DSCAM: variants seen among roughly 807,000 people sequenced by gnomAD.
DSCAM encodes DS cell adhesion molecule, also known as cell adhesion molecule DSCAM.
DSCAM carries 47 observed loss-of-function variants against 217.7 expected under a neutral mutation model. The ratio of observed to expected loss-of-function variants is 0.22; its 90% CI spans 0.17 to 0.28. The LOEUF (loss-of-function observed/expected upper bound fraction) is 0.28, where lower values mean the gene tolerates loss of function less well. DSCAM is among the 10% of genes least tolerant of loss of function. The pLI is 1.00. For synonymous variants in DSCAM, 1,056 were observed against 1,015.3 expected (o/e 1.04, Z -0.76); for missense variants, 2,080 against 2,618.3 (o/e 0.79, Z 4.49).
intron 11 of DSCAM, among the ~76,000 whole-genome samples, chr21:40,228,884 G>A (rs970981453): frequency 6.6e-6 from 1 of 152,036 alleles, no homozygotes; most frequent in African/African-American, 2.4e-5. Flanking sequence ...AAAAAAAAAT[G>A]TGTGTATACT....
intron 3 of DSCAM, among the ~76,000 whole-genome samples, chr21:40,457,491 G>A (rs758398839): frequency 9.2e-5 from 14 of 151,808 alleles, no homozygotes; most frequent in Non-Finnish European, 2.9e-5. Context: ...CAGCCTGGGG[G>A]ACAGAGAAAG....
In DSCAM at chr21:40,113,038, AAG is replaced by A. The variant is rs1251237805; in HGVS notation, c.3696+11155_3696+11156del. Among the ~76,000 whole-genome samples the A allele has an allele frequency of 5.3e-5, 8 of 152,330 alleles. No individual in the cohort carries two copies. The South Asian group carries it at 1.7e-3, about 32-fold the overall frequency. ...CTGAAACTATTCCAATCAATAGAAA[AAG>A]AGGAAATCCTCCCTAACTCATTTTA... is the stretch of plus-strand genomic sequence containing the variant. On this transcript the variant is annotated intron_variant, in intron 20 of 32. Transcript: ENST00000400454.
rs142604153 is a variant in DSCAM, at chr21:40,825,266, T to TTTCCTTCCTTCCTTCCTTCC, written c.43+21333_43+21352dup. ...AGGTGTTCAGTGAACATTTTCTTTC[T>TTTCCTTCCTTCCTTCCTTCC]TTCCTTCCTTCCTTCCTTCCTTCCT... is the stretch of plus-strand genomic sequence containing the variant. On this transcript the variant is annotated intron_variant, in intron 1 of 32. Coordinates refer to ENST00000400454, the MANE Select transcript of DSCAM (RefSeq NM_001389.5). Among the ~76,000 whole-genome samples, 122 of 140,060 alleles carry TTTCCTTCCTTCCTTCCTTCC rather than the reference T, an allele frequency of 8.7e-4. 2 individuals are homozygous for TTTCCTTCCTTCCTTCCTTCC. Among genetic ancestry groups the TTTCCTTCCTTCCTTCCTTCC allele is most frequent in the East Asian group, 8.1e-3 (38 of 4,694 alleles). The allele number at this position is 140,060 out of a possible 152,430, so 91.9% of individuals were successfully genotyped here.
chr21:40,196,732 C>T (rs2091013837), intron 11 of DSCAM, among the ~76,000 whole-genome samples: 1 of 151,942 alleles, frequency 6.6e-6, no homozygotes, highest in African/African-American at 2.4e-5. Context: ...TTTTCTCCTT[C>T]ACAGTGCCAT....
intron 3 of DSCAM, among the ~76,000 whole-genome samples, chr21:40,558,283 A>G (rs534238677): frequency 6.6e-5 from 10 of 150,468 alleles, no homozygotes; most frequent in South Asian, 4.2e-4. Flanking sequence ...CGTCTCTACT[A>G]AAAAATACAA....
chr21:40,666,891 T>G (rs534320399), intron 3 of DSCAM, among the ~76,000 whole-genome samples: 212 of 152,232 alleles, frequency 1.4e-3, no homozygotes, highest in Non-Finnish European at 2.6e-3. Flanking sequence ...CCCATTAAGT[T>G]GCTTCCTTGG....
intron 1 of DSCAM, among the ~76,000 whole-genome samples, chr21:40,824,345 A>G (rs778417420): frequency 6.6e-6 from 1 of 151,634 alleles, no homozygotes; most frequent in Non-Finnish European, 1.5e-5. Flanking sequence ...ATTCAATTCC[A>G]TCTAAATTTG....
At chr21:40,021,258 CAG>C (rs1318510272) in intron 32 of DSCAM, among the ~76,000 whole-genome samples, 1 of 143,014 alleles carries the variant, frequency 7.0e-6, no homozygotes, top group Non-Finnish European at 1.5e-5. Context: ...GGTCGGTAGA[CAG>C]ATAAAAATTA....
At chr21:40,023,321 A>C (rs2088311787) in intron 32 of DSCAM, among the ~76,000 whole-genome samples, 1 of 152,144 alleles carries the variant, frequency 6.6e-6, no homozygotes, top group Non-Finnish European at 1.5e-5. Flanking sequence ...TAATGCCGCA[A>C]TAAACATACG....
chr21:40,259,997 G>A (rs986135867), intron 11 of DSCAM, among the ~76,000 whole-genome samples: 10 of 151,904 alleles, frequency 6.6e-5, no homozygotes, highest in African/African-American at 2.4e-4. Context: ...AAAGTGCTGG[G>A]ATTACAGGCG....
chr21:40,425,332 C>A (rs1415076588), intron 3 of DSCAM, among the ~76,000 whole-genome samples: 1 of 151,930 alleles, frequency 6.6e-6, no homozygotes, highest in Non-Finnish European at 1.5e-5. Context: ...TCAAGACCAG[C>A]CTGGCCAACA....
chr21:40,262,863 A>C (rs1197578146), intron 11 of DSCAM, among the ~76,000 whole-genome samples: 1 of 152,230 alleles, frequency 6.6e-6, no homozygotes, highest in Non-Finnish European at 1.5e-5. Flanking sequence ...TGTTTCTTGA[A>C]TCAATGAAAA....
intron 1 of DSCAM, among the ~76,000 whole-genome samples, chr21:40,811,888 G>T (rs752157716): frequency 6.6e-6 from 1 of 152,146 alleles, no homozygotes; most frequent in Admixed American, 6.5e-5. Context: ...TGTCTGTTCC[G>T]GCCTTTCTCA....
chr21:40,591,073 G>C (rs554127231), intron 3 of DSCAM, among the ~76,000 whole-genome samples: 36 of 151,902 alleles, frequency 2.4e-4, no homozygotes, highest in Middle Eastern at 3.4e-3. Context: ...TGCTGTTCTC[G>C]TGATAGTGAA....
intron 1 of DSCAM, among the ~76,000 whole-genome samples, chr21:40,733,373 C>T (rs1000293741): frequency 5.3e-5 from 8 of 152,134 alleles, no homozygotes; most frequent in South Asian, 2.1e-4. Context: ...ATTGGAGAAG[C>T]GGAATTACTC....
At chr21:40,140,936 G>A (rs914496136) in intron 18 of DSCAM, among the ~76,000 whole-genome samples, 1 of 6,628 alleles carries the variant, frequency 1.5e-4, no homozygotes, top group Non-Finnish European at 2.3e-3. Context: ...AAGGAGGGCG[G>A]GGGGGGGTCC....
chr21:40,481,979 G>A (rs933813993), intron 3 of DSCAM, among the ~76,000 whole-genome samples: 11 of 152,304 alleles, frequency 7.2e-5, no homozygotes, highest in East Asian at 3.9e-4. Flanking sequence ...GCGATTCGCC[G>A]TTCCCAGTTG....
intron 3 of DSCAM, among the ~76,000 whole-genome samples, chr21:40,632,859 C>A (rs1199605965): frequency 6.6e-6 from 1 of 152,194 alleles, no homozygotes; most frequent in Non-Finnish European, 1.5e-5. Context: ...CTTCAAGAGG[C>A]TGTGGGTTCC....
At chr21:40,130,328 G>T (rs2090141784) in intron 19 of DSCAM, among the ~76,000 whole-genome samples, 2 of 152,208 alleles carry the variant, frequency 1.3e-5, no homozygotes, top group Admixed American at 6.5e-5. Context: ...AGAAAAGCCA[G>T]ATCACCAAGT....
Sources: allele counts gnomAD v4.1 joint callset (sites outside exome capture counted in the v4.1 genomes callset), GRCh38; gene constraint gnomAD v4.1.1; transcripts MANE v1.5; gene names NCBI Gene and HGNC (gene_info 2026-07-23, HGNC 2026-07-21).